NIBAN2: variants seen among roughly 807,000 people sequenced by gnomAD.
NIBAN2 encodes protein Niban 2.
Under a neutral mutation model 81.8 loss-of-function variants are expected in NIBAN2, and 36 were observed. The observed-to-expected ratio is 0.44, with a 90% confidence interval of 0.34 to 0.58. The LOEUF is 0.58. Among genes scored for constraint, NIBAN2 ranks in the 20% least tolerant of loss-of-function variants. The pLI is 0.02. For missense variants in NIBAN2, 897 were observed against 1,014.1 expected (o/e 0.88, Z 1.57); for synonymous variants, 445 against 441.6 (o/e 1.01, Z -0.10).
intron 1 of NIBAN2, among the ~76,000 whole-genome samples, chr9:127,546,270 C>T (rs1837469743): frequency 6.6e-6 from 1 of 152,240 alleles, no homozygotes; most frequent in South Asian, 2.1e-4. Context: ...CTTAGCCAGC[C>T]ACCTGTCAAA....
upstream of NIBAN2, among the ~76,000 whole-genome samples, chr9:127,569,916 C>A (rs1837927213): frequency 6.6e-6 from 1 of 152,214 alleles, no homozygotes; most frequent in Non-Finnish European, 1.5e-5. Context: ...CGGAGACCGA[C>A]AGGCACCAGC....
At chr9:127,523,274 A>G (rs1482892552) in intron 5 of NIBAN2, among the ~76,000 whole-genome samples, 2 of 126,750 alleles carry the variant, frequency 1.6e-5, no homozygotes, top group African/African-American at 3.0e-5. Context: ...AAAAATCTTT[A>G]CCAAGCATGA....
chr9:127,543,461 G>A (rs974748093), intron 1 of NIBAN2, among the ~76,000 whole-genome samples: 1 of 152,164 alleles, frequency 6.6e-6, no homozygotes, highest in Non-Finnish European at 1.5e-5. Flanking sequence ...GACTCCACGG[G>A]CTGTGGAAAC....
chr9:127,546,355 C>T (rs954076748), intron 1 of NIBAN2, among the ~76,000 whole-genome samples: 5 of 152,196 alleles, frequency 3.3e-5, no homozygotes, highest in Admixed American at 2.0e-4. Flanking sequence ...CAGTCACGTC[C>T]AGGGCCGAGG....
chr9:127,510,354 GTC>G (rs1491327354), intron 8 of NIBAN2, 21 bp from the exon 9 acceptor site: 2 of 1,570,590 alleles, frequency 1.3e-6, no homozygotes, highest in Non-Finnish European at 1.7e-6. Flanking sequence ...AGGGAGCCGG[GTC>G]AGCAGGGGCT....
intron 1 of NIBAN2, among the ~76,000 whole-genome samples, chr9:127,549,844 G>A (rs1028107276): frequency 1.2e-4 from 18 of 152,194 alleles, no homozygotes; most frequent in African/African-American, 4.1e-4. Context: ...CCCACCCTCA[G>A]GTCACCAGCT....
intron 2 of NIBAN2, 93 bp from the exon 3 acceptor site, chr9:127,527,415 G>GCACCCCCTGCC: frequency 8.1e-7 from 1 of 1,236,376 alleles, no homozygotes; most frequent in Non-Finnish European, 1.2e-6. Context: ...GCCTGTGTGC[G>GCACCCCCTGCC]CACCCCCTGC....
chr9:127,525,033 T>TCCA (rs771879821), intron 4 of NIBAN2, 25 bp downstream of exon 4: 1 of 1,565,674 alleles, frequency 6.4e-7, no homozygotes, highest in South Asian at 1.1e-5. Flanking sequence ...CAGGGCATTG[T>TCCA]GGCCTGGGAT....
At chr9:127,510,122 T>C in intron 9 of NIBAN2, 24 bp downstream of exon 9, 1 of 1,589,630 alleles carries the variant, frequency 6.3e-7, no homozygotes, top group Middle Eastern at 1.7e-4. Flanking sequence ...GGAGACCCCC[T>C]CCTAGGGGCG....
intron 1 of NIBAN2, among the ~76,000 whole-genome samples, chr9:127,535,266 GT>G (rs1260904551): frequency 7.2e-5 from 11 of 151,910 alleles, no homozygotes; most frequent in African/African-American, 2.7e-4. Context: ...TCGAACACAG[GT>G]CTGCCTGACC....
intron 1 of NIBAN2, among the ~76,000 whole-genome samples, chr9:127,541,787 C>G (rs1228399014): frequency 1.3e-5 from 2 of 152,158 alleles, no homozygotes; most frequent in Non-Finnish European, 2.9e-5. Context: ...GGGACGGATT[C>G]AGGGTCCCTC....
rs753174471 is a variant in NIBAN2, at chr9:127,517,081, G to C, written c.810+31C>G. 6.2e-7 allele frequency: 1 copy of C among 1,610,768 alleles called. No homozygotes were observed. The highest frequency in any genetic ancestry group is 8.5e-7 in the Non-Finnish European group (1 of 1,177,870). On this transcript the variant is annotated intron_variant, in intron 7 of 13. Transcript: ENST00000373312. This position sits in a 1 kb window ranked among gnomAD's most constrained non-coding sequence, Gnocchi z 4.0. ...GGGCACCGCACCAGCTGCAGGTCCC[G>C]TCCCCGCTCCAGGGCCCCAGGCCCA... is the stretch of plus-strand genomic sequence containing the variant.
In NIBAN2 at chr9:127,508,925, G is replaced by A. The variant is rs1836671786; in HGVS notation, c.1317+51C>T. ...AGGGACCCCCTGGGCGAGGGGGCCT[G>A]TGGAAGGCAGTGGACAGGGTGTGGG... On this transcript the variant is annotated intron_variant, in intron 10 of 13. Coordinates refer to ENST00000373312, the MANE Select transcript of NIBAN2 (RefSeq NM_022833.4). This position sits in a 1 kb window ranked among gnomAD's most constrained non-coding sequence, Gnocchi z 6.4. The A allele has an allele frequency of 6.2e-7, 1 of 1,605,726 alleles. No homozygotes were observed. Among genetic ancestry groups the A allele is most frequent in the Non-Finnish European group, 8.5e-7 (1 of 1,174,276 alleles).
In NIBAN2 at chr9:127,505,817, G is replaced by C. The variant is rs1024508677; in HGVS notation, c.*1028C>G. On this transcript the variant is annotated 3_prime_UTR_variant, in exon 14 of 14. Coordinates refer to ENST00000373312, the MANE Select transcript of NIBAN2 (RefSeq NM_022833.4). ...CCAAAGAAGGGACTGGATTTTCAGA[G>C]GGAGGTGACTTGGTGACTGAGAGGC... The C allele has an allele frequency of 2.0e-5, 3 of 152,614 alleles. No homozygotes were observed. Among genetic ancestry groups the C allele is most frequent in the Admixed American group, 6.5e-5 (1 of 15,294 alleles). 9.5% of individuals were successfully genotyped at this position (152,614 alleles called of 1,614,324 possible). A position where few individuals can be genotyped will look rare whatever the true frequency, so the allele number is the denominator to read the frequency against.
intron 1 of NIBAN2, among the ~76,000 whole-genome samples, chr9:127,574,924 T>G (rs1837990112): frequency 6.6e-6 from 1 of 152,196 alleles, no homozygotes; most frequent in South Asian, 2.1e-4. Context: ...GGCCAAGCTG[T>G]CACCTCTCCC....
chr9:127,522,048 T>C (rs1466962252), intron 5 of NIBAN2, among the ~76,000 whole-genome samples: 1 of 152,172 alleles, frequency 6.6e-6, no homozygotes, highest in African/African-American at 2.4e-5. Context: ...CTTGGAAACC[T>C]GGAGAGATGG....
At chr9:127,570,058 G>T (rs1837929164), upstream of NIBAN2, among the ~76,000 whole-genome samples, 1 of 152,148 alleles carries the variant, frequency 6.6e-6, no homozygotes, top group South Asian at 2.1e-4. Context: ...GGCTGCTGGT[G>T]CTCAGATCTC....
intron 4 of NIBAN2, among the ~76,000 whole-genome samples, chr9:127,524,610 C>T (rs1268897219): frequency 6.6e-6 from 1 of 152,208 alleles, no homozygotes; most frequent in Non-Finnish European, 1.5e-5. Flanking sequence ...CCGCTCGAAT[C>T]CAGGAATGCC....
In NIBAN2 at chr9:127,516,829, C is replaced by A. The variant is rs200546334; in HGVS notation, c.973+28G>T. On this transcript the variant is annotated intron_variant, in intron 8 of 13. Coordinates refer to ENST00000373312, the MANE Select transcript of NIBAN2 (RefSeq NM_022833.4). ...AAAGTCCACCTTGGCCCCTGGAGGG[C>A]CCGTCGAGCACGGGGGTGGCTGCCT... is the stretch of plus-strand genomic sequence containing the variant. 479 of 1,598,010 alleles carry A rather than the reference C, an allele frequency of 3.0e-4. 2 individuals are homozygous for A. The highest frequency in any genetic ancestry group is 8.6e-4 in the Admixed American group (51 of 59,428).
Sources: gnomAD v4.1 joint callset for allele counts (sites outside exome capture counted in the v4.1 genomes callset) on GRCh38, gnomAD v4.1.1 for gene constraint, Gnocchi (gnomAD v3.1) non-coding constraint, MANE v1.5 for transcripts, NCBI Gene and HGNC (gene_info 2026-07-23, HGNC 2026-07-21) for gene names.